The following OR56A3 variants were observed in gnomAD, a reference collection of about 807,000 sequenced individuals.
OR56A3 encodes the protein olfactory receptor family 56 subfamily A member 3.
A neutral mutation model predicts 17.5 loss-of-function variants in OR56A3; 23 were observed. The ratio of observed to expected loss-of-function variants is 1.32; its 90% CI spans 0.95 to 1.87. The LOEUF is 1.87. Ranked by LOEUF, OR56A3 falls within the 40% of genes most tolerant of loss-of-function variation. The pLI is 0.00. For missense variants in OR56A3, 366 were observed against 380.1 expected (o/e 0.96, Z 0.31); for synonymous variants, 175 against 150.6 (o/e 1.16, Z -1.19).
the OR56A3 span, among the ~76,000 whole-genome samples, chr11:5,997,187 C>A: frequency 2.0e-5 from 3 of 152,084 alleles, no homozygotes; most frequent in Non-Finnish European, 4.4e-5. Flanking sequence ...AACTTTGCCC[C>A]CATGGGAAAG....
chr11:5,954,445 G>T (rs1337721872), downstream of OR56A3, among the ~76,000 whole-genome samples: 2 of 152,094 alleles, frequency 1.3e-5, no homozygotes, highest in Non-Finnish European at 2.9e-5. Flanking sequence ...GAGTCCTGGG[G>T]AGTTAAAGTG....
At chr11:5,998,824 A>C in the OR56A3 span, among the ~76,000 whole-genome samples, 87 of 152,204 alleles carry the variant, frequency 5.7e-4, no homozygotes, top group Non-Finnish European at 1.1e-3. Context: ...AATTACGAAG[A>C]TAATTTACCA....
At chr11:6,021,114 A>G in the OR56A3 span, 1 of 152,120 alleles carries the variant, frequency 6.6e-6, no homozygotes, top group African/African-American at 2.4e-5. Flanking sequence ...AAGAAAAGTA[A>G]TGGAAATTAT....
chr11:6,013,735 C>A, the OR56A3 span, among the ~76,000 whole-genome samples: 1 of 152,254 alleles, frequency 6.6e-6, no homozygotes, highest in South Asian at 2.1e-4. Flanking sequence ...TCATTCTACC[C>A]CACTCATCAT....
the OR56A3 span, among the ~76,000 whole-genome samples, chr11:5,961,134 G>A: frequency 1.3e-5 from 2 of 150,794 alleles, no homozygotes; most frequent in African/African-American, 4.9e-5. Context: ...CGGGAGGTGG[G>A]GGGCAGCCCC....
the OR56A3 span, chr11:5,968,474 G>C: frequency 6.4e-7 from 1 of 1,555,600 alleles, no homozygotes; most frequent in African/African-American, 1.4e-5. Flanking sequence ...GGGAAGTGGA[G>C]TTGTTGCTGG....
chr11:5,948,434 C>G lies in OR56A3; in HGVS notation c.*140C>G. On this transcript the variant is annotated 3_prime_UTR_variant, in exon 3 of 3. Transcript: ENST00000641160. ...TATTGTGTGTGCTTTTCAAAAACAT[C>G]GGTTTTAATTTAAGTCTATCTTCCT... 1.7e-6 allele frequency: 1 copy of G among 601,284 alleles called. No homozygotes were observed. Among genetic ancestry groups the G allele is most frequent in the Non-Finnish European group, 2.9e-6 (1 of 345,118 alleles). 37.2% of individuals were successfully genotyped at this position (601,284 alleles called of 1,614,324 possible).
the OR56A3 span, among the ~76,000 whole-genome samples, chr11:5,968,734 G>A: frequency 6.6e-6 from 1 of 151,784 alleles, no homozygotes; most frequent in African/African-American, 2.4e-5. Context: ...ACTAGACAAA[G>A]GTTTAGAAGG....
chr11:5,990,010 T>C, the OR56A3 span, among the ~76,000 whole-genome samples: 2 of 152,226 alleles, frequency 1.3e-5, no homozygotes, highest in Non-Finnish European at 2.9e-5. Context: ...GTGCTCAAAT[T>C]CTGTAAGGTA....
the OR56A3 span, among the ~76,000 whole-genome samples, chr11:5,998,815 A>G: frequency 5.9e-5 from 9 of 152,348 alleles, no homozygotes; most frequent in African/African-American, 1.9e-4. Context: ...GTGGTCATGA[A>G]TTACGAAGAT....
At chr11:5,999,104 AG>A in the OR56A3 span, among the ~76,000 whole-genome samples, 1 of 152,202 alleles carries the variant, frequency 6.6e-6, no homozygotes, top group Admixed American at 6.5e-5. Context: ...GTTCAACTAA[AG>A]GTCTTATGGG....
At chr11:5,984,393 A>G in the OR56A3 span, among the ~76,000 whole-genome samples, 7 of 152,218 alleles carry the variant, frequency 4.6e-5, no homozygotes, top group Non-Finnish European at 8.8e-5. Flanking sequence ...TTTCTGTTTC[A>G]GGTTCAAGTC....
chr11:6,014,370 C>G, the OR56A3 span, among the ~76,000 whole-genome samples: 1 of 152,310 alleles, frequency 6.6e-6, no homozygotes, highest in African/African-American at 2.4e-5. Flanking sequence ...CACCATCCTC[C>G]GGGTGCTGCT....
chr11:6,002,500 G>A, the OR56A3 span: 1 of 1,614,246 alleles, frequency 6.2e-7, no homozygotes. Flanking sequence ...CTGGCAGAAA[G>A]CATGGGAACA....
the OR56A3 span, chr11:6,001,992 A>G: frequency 1.4e-6 from 2 of 1,465,580 alleles, no homozygotes; most frequent in East Asian, 2.3e-5. Context: ...TTAATTCCCT[A>G]TTTCCCAATT....
At chr11:5,987,133 A>T in the OR56A3 span, 1 of 603,960 alleles carries the variant, frequency 1.7e-6, no homozygotes, top group Non-Finnish European at 2.9e-6. Context: ...TAGAGATAAG[A>T]GTAAACATAA....
At chr11:5,992,951 G>T in the OR56A3 span, among the ~76,000 whole-genome samples, 2 of 152,122 alleles carry the variant, frequency 1.3e-5, no homozygotes, top group Non-Finnish European at 2.9e-5. Context: ...ATATCTATAT[G>T]ATAAAAAGGT....
chr11:5,981,806 T>C, the OR56A3 span, among the ~76,000 whole-genome samples: 1 of 152,222 alleles, frequency 6.6e-6, no homozygotes, highest in Non-Finnish European at 1.5e-5. Flanking sequence ...CCTCTAATGT[T>C]TGGATTTGTC....
the OR56A3 span, among the ~76,000 whole-genome samples, chr11:6,018,259 T>G: frequency 1.3e-5 from 2 of 152,086 alleles, no homozygotes; most frequent in Admixed American, 1.3e-4. Flanking sequence ...ACAAAACATT[T>G]TATCCGACAG....
Sources: allele counts gnomAD v4.1 joint callset (sites outside exome capture counted in the v4.1 genomes callset), GRCh38; gene constraint gnomAD v4.1.1; transcripts MANE v1.5; gene names NCBI Gene and HGNC (gene_info 2026-07-23, HGNC 2026-07-21).